Variants in GRM7 observed in about 807,000 individuals in gnomAD.
The protein encoded by GRM7 is glutamate metabotropic receptor 7, also known as metabotropic glutamate receptor 7.
GRM7 carries 35 observed loss-of-function variants against 84.5 expected under a neutral mutation model. The ratio of observed to expected loss-of-function variants is 0.41; its 90% CI spans 0.32 to 0.55. The LOEUF is 0.55. GRM7 is among the 20% of genes least tolerant of loss of function. GRM7 has a pLI of 0.19. For synonymous variants in GRM7, 487 were observed against 455.1 expected (o/e 1.07, Z -0.89); for missense variants, 1,003 against 1,194.6 (o/e 0.84, Z 2.36).
intron 9 of GRM7, among the ~76,000 whole-genome samples, chr3:7,709,660 C>A (rs769864135): frequency 1.3e-5 from 2 of 152,104 alleles, no homozygotes; most frequent in African/African-American, 4.8e-5. Flanking sequence ...GATTTCCAAA[C>A]AAGTGTGAAG....
intron 8 of GRM7, among the ~76,000 whole-genome samples, chr3:7,583,313 A>T (rs1695351837): frequency 6.6e-6 from 1 of 152,192 alleles, no homozygotes; most frequent in African/African-American, 2.4e-5. Flanking sequence ...TGTAACAGAT[A>T]GCCCCTCAGA....
intron 7 of GRM7, among the ~76,000 whole-genome samples, chr3:7,477,777 TC>T (rs1698981547): frequency 6.6e-6 from 1 of 152,200 alleles, no homozygotes; most frequent in Non-Finnish European, 1.5e-5. Context: ...ATTGTTAATT[TC>T]CCTCTCTCCT....
chr3:6,988,190 T>A (rs1323229105), intron 1 of GRM7, among the ~76,000 whole-genome samples: 10 of 141,564 alleles, frequency 7.1e-5, no homozygotes, highest in Non-Finnish European at 1.5e-4. Context: ...TTTTTTTTTT[T>A]AGTAGAGATG....
intron 1 of GRM7, among the ~76,000 whole-genome samples, chr3:7,137,947 C>T (rs1466075945): frequency 6.6e-6 from 1 of 151,968 alleles, no homozygotes; most frequent in Non-Finnish European, 1.5e-5. Context: ...GACTGAGCTT[C>T]TTTAAGAAAT....
chr3:7,675,575 A>G (rs1269154799), intron 8 of GRM7, among the ~76,000 whole-genome samples: 1 of 152,234 alleles, frequency 6.6e-6, no homozygotes, highest in African/African-American at 2.4e-5. Flanking sequence ...AGATGAGAAA[A>G]TGGCATGGAG....
chr3:7,273,810 A>G (rs1698954252), intron 2 of GRM7, among the ~76,000 whole-genome samples: 1 of 151,836 alleles, frequency 6.6e-6, no homozygotes, highest in African/African-American at 2.4e-5. Context: ...TTTTTGATCC[A>G]TTCTGACAAC....
At chr3:7,295,930 G>T (rs1170453058) in intron 2 of GRM7, among the ~76,000 whole-genome samples, 4 of 151,972 alleles carry the variant, frequency 2.6e-5, no homozygotes, top group African/African-American at 9.7e-5. Context: ...TTTGGCAAGG[G>T]TTTATAGTAC....
intron 8 of GRM7, among the ~76,000 whole-genome samples, chr3:7,654,143 C>T (rs761573313): frequency 6.6e-6 from 1 of 152,138 alleles, no homozygotes; most frequent in Non-Finnish European, 1.5e-5. Flanking sequence ...TCTCTGAGCT[C>T]ATAGAGTCTT....
At chr3:7,610,331 C>T (rs991548834) in intron 8 of GRM7, among the ~76,000 whole-genome samples, 1 of 152,162 alleles carries the variant, frequency 6.6e-6, no homozygotes, top group Non-Finnish European at 1.5e-5. Flanking sequence ...CCCCCCAACA[C>T]TAATTGATGT....
At chr3:7,654,403 C>T (rs1236567148) in intron 8 of GRM7, among the ~76,000 whole-genome samples, 1 of 152,074 alleles carries the variant, frequency 6.6e-6, no homozygotes, top group East Asian at 1.9e-4. Flanking sequence ...AAGCATCACC[C>T]ACTCCAGTCA....
chr3:7,669,493 C>T (rs1699837300), intron 8 of GRM7, among the ~76,000 whole-genome samples: 1 of 152,176 alleles, frequency 6.6e-6, no homozygotes, highest in South Asian at 2.1e-4. Context: ...GGAATATTAT[C>T]TTCATCCAAA....
At chr3:6,879,229 C>G (rs1205630072) in intron 1 of GRM7, among the ~76,000 whole-genome samples, 1 of 152,132 alleles carries the variant, frequency 6.6e-6, no homozygotes, top group Non-Finnish European at 1.5e-5. Context: ...ATTAAAAATT[C>G]AAATCTAGAA....
intron 4 of GRM7, among the ~76,000 whole-genome samples, chr3:7,311,618 G>C (rs1390520679): frequency 6.7e-6 from 1 of 149,456 alleles, no homozygotes; most frequent in African/African-American, 2.5e-5. Flanking sequence ...TTTTGGGATG[G>C]AGTCTCGCTT....
chr3:7,270,555 A>T (rs1698817225), intron 2 of GRM7, among the ~76,000 whole-genome samples: 1 of 151,838 alleles, frequency 6.6e-6, no homozygotes, highest in Admixed American at 6.6e-5. Context: ...CTATCCAGGG[A>T]TCTTCTCCAT....
At chr3:7,144,480 G>A (rs1694046813) in intron 1 of GRM7, among the ~76,000 whole-genome samples, 1 of 152,278 alleles carries the variant, frequency 6.6e-6, no homozygotes, top group Non-Finnish European at 1.5e-5. Context: ...ATTGCCATAG[G>A]ACAGTGTGGA....
intron 8 of GRM7, 32 bp downstream of exon 8, chr3:7,579,389 T>G (rs779540187): frequency 1.0e-5 from 13 of 1,303,226 alleles, no homozygotes. Flanking sequence ...AATATGTTTT[T>G]TAAAAATGTG....
intron 1 of GRM7, among the ~76,000 whole-genome samples, chr3:7,045,593 T>G (rs1294732302): frequency 3.9e-5 from 6 of 152,126 alleles, no homozygotes; most frequent in Non-Finnish European, 5.9e-5. Context: ...TCTATGAGCT[T>G]TACTATTTTA....
chr3:7,658,915 T>C (rs1459462705), intron 8 of GRM7, among the ~76,000 whole-genome samples: 3 of 152,198 alleles, frequency 2.0e-5, no homozygotes, highest in African/African-American at 4.8e-5. Flanking sequence ...TTTTGAAAGG[T>C]GAATACTATC....
intron 7 of GRM7, among the ~76,000 whole-genome samples, chr3:7,566,122 T>TGG (rs1559406826): frequency 2.1e-4 from 30 of 145,292 alleles, no homozygotes; most frequent in East Asian, 8.1e-4. Context: ...TTTTTTTTTT[T>TGG]TTTTTTTTTT....
Sources: gnomAD v4.1 joint callset for allele counts (sites outside exome capture counted in the v4.1 genomes callset) on GRCh38, gnomAD v4.1.1 for gene constraint, MANE v1.5 for transcripts, NCBI Gene and HGNC (gene_info 2026-07-23, HGNC 2026-07-21) for gene names.